The following C13orf42 variants were observed in gnomAD, a reference collection of about 807,000 sequenced individuals.
The protein encoded by C13orf42 is uncharacterized protein C13orf42.
At chr13:51,109,519 C>T (rs995763488) in intron 1 of C13orf42, among the ~76,000 whole-genome samples, 3 of 152,028 alleles carry the variant, frequency 2.0e-5, no homozygotes, top group African/African-American at 4.8e-5. Flanking sequence ...GAGACCAAGG[C>T]GGGAGGACTG....
At chr13:51,152,152 AC>A (rs1021926011) in intron 1 of C13orf42, among the ~76,000 whole-genome samples, 33 of 152,272 alleles carry the variant, frequency 2.2e-4, no homozygotes, top group African/African-American at 7.7e-4. Flanking sequence ...TACATATGTA[AC>A]CCTGATAGCA....
chr13:51,156,934 A>G (rs2138043998), intron 1 of C13orf42, among the ~76,000 whole-genome samples: 1 of 152,356 alleles, frequency 6.6e-6, no homozygotes, highest in Admixed American at 6.5e-5. Context: ...TTCTCGTATT[A>G]CATATCTTCA....
intron 1 of C13orf42, among the ~76,000 whole-genome samples, chr13:51,098,005 T>C (rs1212033092): frequency 1.3e-5 from 2 of 152,188 alleles, no homozygotes; most frequent in African/African-American, 4.8e-5. Flanking sequence ...CCCTGCTCCA[T>C]CTCCCTACCC....
chr13:51,092,272 A>G (rs1407600396), intron 1 of C13orf42, among the ~76,000 whole-genome samples: 2 of 152,244 alleles, frequency 1.3e-5, no homozygotes, highest in African/African-American at 4.8e-5. Context: ...GATAAGCTGC[A>G]TTTTATTATC....
chr13:51,105,755 G>A (rs1007914918), intron 1 of C13orf42, among the ~76,000 whole-genome samples: 1 of 151,936 alleles, frequency 6.6e-6, no homozygotes, highest in African/African-American at 2.4e-5. Context: ...TCCAATTTCT[G>A]GTGCTACTTA....
intron 1 of C13orf42, among the ~76,000 whole-genome samples, chr13:51,123,222 A>G (rs1953550207): frequency 6.6e-6 from 1 of 152,220 alleles, no homozygotes; most frequent in South Asian, 2.1e-4. Flanking sequence ...TGCTGTGACA[A>G]CAAATAACTC....
At chr13:51,135,974 T>A (rs537297371) in intron 1 of C13orf42, among the ~76,000 whole-genome samples, 50 of 152,342 alleles carry the variant, frequency 3.3e-4, no homozygotes, top group Non-Finnish European at 6.3e-4. Flanking sequence ...GGCCGGCAGC[T>A]GATGAGGGTA....
chr13:51,102,375 T>C (rs183066559), intron 1 of C13orf42, among the ~76,000 whole-genome samples: 5 of 152,320 alleles, frequency 3.3e-5, no homozygotes, highest in Admixed American at 2.0e-4. Context: ...CCTCCTGCCA[T>C]AGAGGAGAAA....
intron 1 of C13orf42, among the ~76,000 whole-genome samples, chr13:51,099,054 C>T (rs1331543220): frequency 6.6e-6 from 1 of 152,064 alleles, no homozygotes; most frequent in Non-Finnish European, 1.5e-5. Context: ...GCCAAATTTA[C>T]CCACAAGCAA....
intron 1 of C13orf42, among the ~76,000 whole-genome samples, chr13:51,141,454 A>C (rs1291955721): frequency 6.6e-6 from 1 of 152,166 alleles, no homozygotes; most frequent in South Asian, 2.1e-4. Context: ...TGTTGGGTAC[A>C]GAATGTTTCA....
chr13:51,113,521 T>C (rs1420141775), upstream of C13orf42, among the ~76,000 whole-genome samples: 2 of 152,196 alleles, frequency 1.3e-5, no homozygotes, highest in African/African-American at 4.8e-5. Flanking sequence ...GCCTCAGCTA[T>C]AAGAAACGGG....
chr13:51,135,745 C>T (rs771822398), intron 1 of C13orf42, among the ~76,000 whole-genome samples: 62 of 152,244 alleles, frequency 4.1e-4, no homozygotes, highest in Admixed American at 1.2e-3. Flanking sequence ...TCCTCCCCCA[C>T]CCTGGCTTGG....
At chr13:51,105,324 C>T (rs1182960862) in intron 1 of C13orf42, among the ~76,000 whole-genome samples, 5 of 152,188 alleles carry the variant, frequency 3.3e-5, no homozygotes, top group Non-Finnish European at 5.9e-5. Context: ...CTCGCAAGAC[C>T]GACTACCCCC....
Position 51,084,204 on chromosome 13 carries a change from G to A in C13orf42, c.925C>T (p.Pro309Ser). Residue 309 changes from proline to serine, a missense_variant, in exon 4 of 4, where the codon CCC becomes TCC. Physicochemically the swap from Pro to Ser is moderately conservative, Grantham distance 74. Transcript: ENST00000563710. ...PGEDYYETEN[P>S]KGQWLLRERL... Reference sequence around the variant, plus strand: ...TCTCGAAGCAGCCACTGTCCTTTGGGGTTCTCTGTCTCATAGTAGTCCTCC... The same window carrying A: ...TCTCGAAGCAGCCACTGTCCTTTGGAGTTCTCTGTCTCATAGTAGTCCTCC... 5.0e-6 allele frequency: 2 copies of A among 398,710 alleles called. No individual in the cohort carries two copies. Among genetic ancestry groups the A allele is most frequent in the East Asian group, 3.6e-5 (1 of 28,084 alleles). 24.7% of individuals were successfully genotyped at this position (398,710 alleles called of 1,614,324 possible). A position where few individuals can be genotyped will look rare whatever the true frequency, so the allele number is the denominator to read the frequency against.
Position 51,158,075 on chromosome 13 carries a change from T to C in C13orf42, n.136+14178A>G, listed in dbSNP as rs200093156. On this transcript the variant is annotated intron_variant and non_coding_transcript_variant, in intron 1 of 4. Coordinates refer to the C13orf42 transcript ENST00000433280. ...CCTTACACAGTGGACTTTGTGTACA[T>C]TCTTGTATTCATTCCTTCAATGACT... Among the ~76,000 whole-genome samples, 5 of 152,376 alleles carry C rather than the reference T, an allele frequency of 3.3e-5. No individual in the cohort carries two copies. In the East Asian group the frequency reaches 9.6e-4, roughly 29 times the overall value.
intron 1 of C13orf42, among the ~76,000 whole-genome samples, chr13:51,126,806 T>A (rs1430084601): frequency 1.3e-5 from 2 of 152,194 alleles, no homozygotes; most frequent in Non-Finnish European, 1.5e-5. Flanking sequence ...ATGCCACACC[T>A]GATTATTTCT....
intron 1 of C13orf42, among the ~76,000 whole-genome samples, chr13:51,130,539 T>A (rs1427514048): frequency 2.0e-5 from 3 of 152,026 alleles, no homozygotes; most frequent in Admixed American, 6.6e-5. Flanking sequence ...TAAAGGGGAT[T>A]TATGCAAGAA....
chr13:51,126,605 G>T (rs1011734583), intron 1 of C13orf42, among the ~76,000 whole-genome samples: 2 of 152,188 alleles, frequency 1.3e-5, no homozygotes, highest in African/African-American at 4.8e-5. Flanking sequence ...ACAAATGGAA[G>T]GTGCTAGGCA....
At chr13:51,114,653 GACAGACAGAC>G (rs56781049), upstream of C13orf42, among the ~76,000 whole-genome samples, 5,783 of 84,520 alleles carry the variant, frequency 0.068, 106 homozygotes, top group South Asian at 0.13. Flanking sequence ...GATAGAGATA[GACAGACAGAC>G]AGACAGACAG....
Sources: gnomAD v4.1 joint callset for allele counts (sites outside exome capture counted in the v4.1 genomes callset) on GRCh38, gnomAD v4.1.1 for gene constraint, MANE v1.5 for transcripts, NCBI Gene and HGNC (gene_info 2026-07-23, HGNC 2026-07-21) for gene names.